The following COG5 variants were observed in gnomAD, a reference collection of about 807,000 sequenced individuals.
COG5 encodes conserved oligomeric Golgi complex subunit 5.
A neutral mutation model predicts 110.4 loss-of-function variants in COG5; 86 were observed. The observed-to-expected ratio is 0.78, with a 90% CI of 0.65 to 0.93. COG5 has a LOEUF of 0.93. Among genes scored for constraint, COG5 ranks in the 40% least tolerant of loss-of-function variants. The probability of loss-of-function intolerance (pLI) is 0.00; values close to 1 mark genes in which losing one functional copy is unlikely to be tolerated. For synonymous variants in COG5, 360 were observed against 334.6 expected (o/e 1.08, Z -0.83); for missense variants, 1,077 against 987.0 (o/e 1.09, Z -1.22).
intron 21 of COG5, chr7:107,208,660 G>T: frequency 1.0e-6 from 1 of 985,452 alleles, no homozygotes; most frequent in Non-Finnish European, 1.2e-6. Flanking sequence ...ACATTCACCG[G>T]GGCTGGTAAC....
chr7:107,396,860 A>C (rs1164514552), intron 7 of COG5, among the ~76,000 whole-genome samples: 1 of 152,190 alleles, frequency 6.6e-6, no homozygotes, highest in African/African-American at 2.4e-5. Flanking sequence ...TCAACAATAA[A>C]ATGAATTTTA....
At chr7:107,313,925 T>C (rs905698546) in intron 11 of COG5, among the ~76,000 whole-genome samples, 1 of 152,188 alleles carries the variant, frequency 6.6e-6, no homozygotes, top group Non-Finnish European at 1.5e-5. Context: ...CATTTTTGAG[T>C]TAATTTCCCA....
At chr7:107,376,159 T>C (rs1814620934) in intron 7 of COG5, among the ~76,000 whole-genome samples, 1 of 152,056 alleles carries the variant, frequency 6.6e-6, no homozygotes, top group Non-Finnish European at 1.5e-5. Flanking sequence ...CTCTACCATT[T>C]CTCTATCCTT....
chr7:107,208,907 C>G, intron 21 of COG5: 1 of 985,418 alleles, frequency 1.0e-6, no homozygotes, highest in Non-Finnish European at 1.2e-6. Context: ...TGAAATATGA[C>G]CCACTATGGC....
chr7:107,430,586 ATTCTGGGTTGCTTGCATTCCAGTATGAAT>A (rs1793957530), intron 6 of COG5, among the ~76,000 whole-genome samples: 1 of 152,186 alleles, frequency 6.6e-6, no homozygotes, highest in African/African-American at 2.4e-5. Flanking sequence ...TGTTTTAGCT[ATTCTGGGTTGCTTGCATTCCAGTATGAAT>A]TTTAGGATCA....
intron 6 of COG5, among the ~76,000 whole-genome samples, 158 bp from the exon 7 acceptor site, chr7:107,412,790 T>C (rs1035537302): frequency 3.3e-5 from 5 of 151,546 alleles, no homozygotes; most frequent in Admixed American, 1.3e-4. Flanking sequence ...GTTTCCCAAA[T>C]ATTTTCTATT....
At chr7:107,319,877 C>T (rs1809102478) in intron 11 of COG5, among the ~76,000 whole-genome samples, 1 of 152,126 alleles carries the variant, frequency 6.6e-6, no homozygotes, top group South Asian at 2.1e-4. Flanking sequence ...AGCAGGGTCA[C>T]TGGAGGCCAG....
At position 107,491,880 on chromosome 7, in the gene COG5, CT is replaced by C. The variant is rs373985635; in HGVS notation, c.538+35356del. On this transcript the variant is annotated intron_variant, in intron 6 of 21. Transcript: ENST00000297135. Reference sequence around the variant, plus strand: ...ATGAAGAAACAGACTCACCCTGCCCCTGTAGCCAGATCTGTGATAATATCCC... The same window carrying C: ...ATGAAGAAACAGACTCACCCTGCCCCGTAGCCAGATCTGTGATAATATCCC... Among the ~76,000 whole-genome samples, 660 of 152,234 alleles carry C rather than the reference CT, an allele frequency of 4.3e-3. 7 individuals are homozygous for C. The highest frequency in any genetic ancestry group is 0.015 in the African/African-American group (626 of 41,562).
intron 19 of COG5, among the ~76,000 whole-genome samples, chr7:107,223,198 G>A (rs1366082415): frequency 6.6e-6 from 1 of 152,178 alleles, no homozygotes; most frequent in African/African-American, 2.4e-5. Flanking sequence ...AGTGGGAGAA[G>A]GAACATGATT....
chr7:107,526,438 T>G (rs1800751977), intron 6 of COG5, among the ~76,000 whole-genome samples: 1 of 152,230 alleles, frequency 6.6e-6, no homozygotes, highest in African/African-American at 2.4e-5. Context: ...ATTAAACTCT[T>G]GACTGTCAAG....
chr7:107,235,333 A>G (rs1342570703), intron 18 of COG5, among the ~76,000 whole-genome samples: 3 of 152,228 alleles, frequency 2.0e-5, no homozygotes, highest in Non-Finnish European at 4.4e-5. Context: ...AGTGGGGAGG[A>G]TCTGGCAAAT....
Position 107,415,844 on chromosome 7 carries a change from A to G in COG5, c.539-3212T>C, listed in dbSNP as rs113123953. On this transcript the variant is annotated intron_variant, in intron 6 of 21. Coordinates refer to ENST00000297135, the MANE Select transcript of COG5 (RefSeq NM_006348.5). ...TACACGTATGTATGTATGTGTGTGT[A>G]TATATACACACACATACACGTATGT... 7.9e-3 allele frequency among the ~76,000 whole-genome samples: 432 copies of G among 54,840 alleles called. 44 individuals are homozygous for G. Among genetic ancestry groups the G allele is most frequent in the Non-Finnish European group, 0.011 (307 of 27,356 alleles). 36.0% of individuals were successfully genotyped at this position (54,840 alleles called of 152,430 possible).
intron 16 of COG5, among the ~76,000 whole-genome samples, chr7:107,255,538 CCTT>C (rs1419335121): frequency 6.6e-6 from 1 of 152,024 alleles, no homozygotes; most frequent in Non-Finnish European, 1.5e-5. Context: ...TAATTTTCTT[CCTT>C]CTTCTGATTG....
chr7:107,405,427 C>G (rs531248104), intron 7 of COG5, among the ~76,000 whole-genome samples: 1 of 152,130 alleles, frequency 6.6e-6, no homozygotes, highest in African/African-American at 2.4e-5. Context: ...CTTTCTACTA[C>G]GACAGCCTGC....
intron 19 of COG5, among the ~76,000 whole-genome samples, chr7:107,228,628 C>T (rs989815885): frequency 6.6e-6 from 1 of 151,940 alleles, no homozygotes; most frequent in Non-Finnish European, 1.5e-5. Flanking sequence ...AATACTTAAA[C>T]AGTTTTAAAA....
chr7:107,289,780 T>C (rs1327261283), intron 12 of COG5, among the ~76,000 whole-genome samples: 1 of 152,236 alleles, frequency 6.6e-6, no homozygotes, highest in Non-Finnish European at 1.5e-5. Context: ...TCTGTTAATG[T>C]TAATAAACCC....
rs771306316 is a variant in COG5 at position 107,203,499 on chromosome 7, ACAAAGATTTCATGTC to A, written c.*2_*16del. On this transcript the variant is annotated 3_prime_UTR_variant, in exon 22 of 22. Transcript: ENST00000297135. ...ATGGGTTAGCACAAAGTGGAGATGA[ACAAAGATTTCATGTC>A]ATTACTGAAGAGCAGACATAGCCTT... 2.6e-6 allele frequency: 4 copies of A among 1,566,770 alleles called. No homozygotes were observed. The East Asian group carries it at 6.7e-5, about 26-fold the overall frequency.
At chr7:107,230,593 T>C in intron 19 of COG5, 22 bp downstream of exon 19, 3 of 1,559,724 alleles carry the variant, frequency 1.9e-6, no homozygotes, top group Non-Finnish European at 1.8e-6. Context: ...TATGAATGTA[T>C]GAACAAAGAA....
chr7:107,529,249 T>A (rs1323421036), intron 5 of COG5, among the ~76,000 whole-genome samples: 2 of 152,148 alleles, frequency 1.3e-5, no homozygotes, highest in Admixed American at 1.3e-4. Context: ...TTGCAGGTAG[T>A]TAGACAGTCA....
Sources: gnomAD v4.1 joint callset for allele counts (sites outside exome capture counted in the v4.1 genomes callset) on GRCh38, gnomAD v4.1.1 for gene constraint, MANE v1.5 for transcripts, NCBI Gene and HGNC (gene_info 2026-07-23, HGNC 2026-07-21) for gene names.